SIK2: variants seen among roughly 807,000 people sequenced by gnomAD.
SIK2 encodes serine/threonine-protein kinase SIK2.
SIK2 carries 29 observed loss-of-function variants against 103.2 expected under a neutral mutation model. The ratio of observed to expected loss-of-function variants is 0.28; its 90% confidence interval spans 0.21 to 0.38. The LOEUF is 0.38. SIK2 is among the 10% of genes least tolerant of loss of function. The pLI, the probability that SIK2 is intolerant of heterozygous loss-of-function variation, is 1.00. For synonymous variants in SIK2, 412 were observed against 446.1 expected (o/e 0.92, Z 0.96); for missense variants, 879 against 1,171.0 (o/e 0.75, Z 3.64).
intron 9 of SIK2, among the ~76,000 whole-genome samples, chr11:111,718,541 T>C (rs1424833216): frequency 6.6e-6 from 1 of 152,214 alleles, no homozygotes; most frequent in Non-Finnish European, 1.5e-5. Flanking sequence ...TAGCCCAGAA[T>C]GGATTTTATG....
At chr11:111,648,115 AT>A (rs1942281334) in intron 3 of SIK2, among the ~76,000 whole-genome samples, 4 of 152,124 alleles carry the variant, frequency 2.6e-5, no homozygotes. Context: ...AAAAGAAAAA[AT>A]AAAGAAAAAA....
intron 3 of SIK2, among the ~76,000 whole-genome samples, chr11:111,631,257 A>G (rs1240737674): frequency 6.6e-6 from 1 of 152,246 alleles, no homozygotes; most frequent in African/African-American, 2.4e-5. Flanking sequence ...ATGAGACATC[A>G]GAGAAAGGCA....
rs545004004 is a variant in SIK2 at position 111,645,684 on chromosome 11, G to A, written c.316+25282G>A. 7.9e-5 allele frequency among the ~76,000 whole-genome samples: 12 copies of A among 151,582 alleles called. No individual in the cohort carries two copies. In the East Asian group the frequency reaches 9.8e-4, roughly 12 times the overall value. The stretch of plus-strand genomic sequence containing the variant: ...AAAAACATTAGCCAGGCATGGTGGC[G>A]CATGCCTGTAATCCCAGCTACTTGA... On this transcript the variant is annotated intron_variant, in intron 3 of 14. Coordinates refer to ENST00000304987, the MANE Select transcript of SIK2 (RefSeq NM_015191.3).
chr11:111,672,285 C>A, intron 3 of SIK2: 1 of 400,556 alleles, frequency 2.5e-6, no homozygotes, highest in South Asian at 2.9e-5. Context: ...CTGTTGCCCA[C>A]CAGGAGAAGC....
rs1943888075 is a variant in SIK2, at chr11:111,723,973, CGACCTAACG to C, written c.2627_2635del (p.Asp876_Thr878del). 10 of 1,614,158 alleles carry C rather than the reference CGACCTAACG, an allele frequency of 6.2e-6. No individual in the cohort carries two copies. Among genetic ancestry groups the C allele is most frequent in the Non-Finnish European group, 8.5e-6 (10 of 1,180,026 alleles). On this transcript the variant is annotated inframe_deletion, in exon 15 of 15. Transcript: ENST00000304987. ...ATCCTGTGGATGGAGCCCAGCAGAGCGACCTAACGGGGCCAGACTGTCCCAGAAGCCCAG... is the reference window on the plus strand; with the variant it reads ...ATCCTGTGGATGGAGCCCAGCAGAGCGGGCCAGACTGTCCCAGAAGCCCAG...
Position 111,727,299 on chromosome 11 carries a change from C to T in SIK2, c.*3170C>T. The stretch of plus-strand genomic sequence containing the variant: ...CAGGGGCTGTTCATGCCCATCTGAG[C>T]AAACCCCTTCTCTCTTCCATCCACT... On this transcript the variant is annotated 3_prime_UTR_variant, in exon 15 of 15. Transcript: ENST00000304987. The T allele has an allele frequency of 1.8e-6, 1 of 540,860 alleles. No individual in the cohort carries two copies. The allele number at this position is 540,860 out of a possible 1,614,324, so 33.5% of individuals were successfully genotyped here. A position where few individuals can be genotyped will look rare whatever the true frequency, so the allele number is the denominator to read the frequency against.
In SIK2 at chr11:111,724,419, TAAG is replaced by T. The variant is rs1260866325; in HGVS notation, c.*295_*297del. On this transcript the variant is annotated 3_prime_UTR_variant, in exon 15 of 15. Transcript: ENST00000304987. ...AGGGCAGCACTGACAAATGTGTTCC[TAAG>T]AAGACATTCAGACCCAGGTGTTATG... is the stretch of plus-strand genomic sequence containing the variant. 3 of 424,852 alleles carry T rather than the reference TAAG, an allele frequency of 7.1e-6. No homozygotes were observed. In the Admixed American group the frequency reaches 1.2e-4, roughly 17 times the overall value. The allele number at this position is 424,852 out of a possible 1,614,324, so 26.3% of individuals were successfully genotyped here.
chr11:111,692,350 C>CAAAAAAAAAAAAAAAAAAAAAAAAAAAA (rs763369049), intron 4 of SIK2, among the ~76,000 whole-genome samples: 3 of 26,482 alleles, frequency 1.1e-4, no homozygotes, highest in Non-Finnish European at 1.4e-4. Flanking sequence ...GACTCAGTCT[C>CAAAAAAAAAAAAAAAAAAAAAAAAAAAA]AAAAAAAAAA....
At chr11:111,709,887 T>C (rs1943451321) in intron 8 of SIK2, among the ~76,000 whole-genome samples, 1 of 152,214 alleles carries the variant, frequency 6.6e-6, no homozygotes, top group East Asian at 1.9e-4. Flanking sequence ...TGTGCTACGC[T>C]TGGTCTGGCA....
At chr11:111,708,063 TAAG>T (rs899143964) in intron 8 of SIK2, among the ~76,000 whole-genome samples, 3 of 152,122 alleles carry the variant, frequency 2.0e-5, no homozygotes, top group African/African-American at 7.2e-5. Flanking sequence ...TTGCTCCCCT[TAAG>T]AAGTTCATAG....
chr11:111,702,926 T>TGTTC (rs35406221), intron 6 of SIK2, among the ~76,000 whole-genome samples: 4 of 1,158 alleles, frequency 3.5e-3, no homozygotes, highest in African/African-American at 3.6e-3. Flanking sequence ...AACCAAAGTC[T>TGTTC]GTTTCTAGAT....
At chr11:111,671,869 A>C (rs779725387) in intron 3 of SIK2, 4 of 411,776 alleles carry the variant, frequency 9.7e-6, no homozygotes, top group African/African-American at 2.1e-5. Flanking sequence ...TGAAGTCCTC[A>C]AGCTGCCCCT....
chr11:111,704,471 G>A (rs4935781), intron 7 of SIK2, among the ~76,000 whole-genome samples: 1,611 of 152,300 alleles, frequency 0.011, 21 homozygotes, highest in South Asian at 0.027. Flanking sequence ...ACCTAAGAAC[G>A]GAGACATAGT....
chr11:111,659,159 T>TATCA (rs1402749706), intron 3 of SIK2, among the ~76,000 whole-genome samples: 1 of 152,264 alleles, frequency 6.6e-6, no homozygotes, highest in African/African-American at 2.4e-5. Flanking sequence ...TAAGTTTTAC[T>TATCA]ATCATTGGAG....
In SIK2 at chr11:111,725,697, C is replaced by G. The variant is rs1943943096; in HGVS notation, c.*1568C>G. The G allele has an allele frequency of 6.6e-6, 1 of 152,636 alleles. No individual in the cohort carries two copies. Among genetic ancestry groups the G allele is most frequent in the East Asian group, 1.9e-4 (1 of 5,200 alleles). 9.5% of individuals were successfully genotyped at this position (152,636 alleles called of 1,614,324 possible). On this transcript the variant is annotated 3_prime_UTR_variant, in exon 15 of 15. Coordinates refer to ENST00000304987, the MANE Select transcript of SIK2 (RefSeq NM_015191.3). ...AGAAAACACCTTTAAGTTGCCTTTC[C>G]TCTTTGTAGTTAGCGTTCAGGCAGG...
At position 111,642,966 on chromosome 11, in the gene SIK2, C is replaced by T. The variant is rs1025138152; in HGVS notation, c.316+22564C>T. On this transcript the variant is annotated intron_variant, in intron 3 of 14. Coordinates refer to ENST00000304987, the MANE Select transcript of SIK2 (RefSeq NM_015191.3). ...TATAATTCCCTCACCCTTATTTTCA[C>T]CAGGCAAAATTTCTTCGTTTTTTTT... Among the ~76,000 whole-genome samples, 37 of 149,528 alleles carry T rather than the reference C, an allele frequency of 2.5e-4. 1 individual carries two copies. Among genetic ancestry groups the T allele is most frequent in the Admixed American group, 6.7e-4 (10 of 15,016 alleles).
At chr11:111,606,593 AT>A (rs1248095584) in intron 1 of SIK2, among the ~76,000 whole-genome samples, 1 of 152,144 alleles carries the variant, frequency 6.6e-6, no homozygotes, top group East Asian at 1.9e-4. Context: ...CAATTCCCTT[AT>A]TAATGAATAT....
rs573574262 is a variant in SIK2 at position 111,660,453 on chromosome 11, A to C, written c.317-27548A>C. 2.0e-5 allele frequency among the ~76,000 whole-genome samples: 3 copies of C among 152,340 alleles called. No individual in the cohort carries two copies. The East Asian group carries it at 5.8e-4, about 29-fold the overall frequency. ...TGTGTACCTGTGTAGTATATATTAC[A>C]TACTTAGTGTTTATACTATGCATGG... On this transcript the variant is annotated intron_variant, in intron 3 of 14. Transcript: ENST00000304987.
At chr11:111,621,844 C>T (rs989285352) in intron 3 of SIK2, among the ~76,000 whole-genome samples, 4 of 151,738 alleles carry the variant, frequency 2.6e-5, no homozygotes, top group Non-Finnish European at 4.4e-5. Flanking sequence ...AACTCGGAGG[C>T]GGAGGCTGCA....
Sources: gnomAD v4.1 joint callset for allele counts (sites outside exome capture counted in the v4.1 genomes callset) on GRCh38, gnomAD v4.1.1 for gene constraint, MANE v1.5 for transcripts, NCBI Gene and HGNC (gene_info 2026-07-23, HGNC 2026-07-21) for gene names.